Variants in KRT7 observed in about 807,000 individuals in gnomAD.
KRT7 encodes keratin, type II cytoskeletal 7.
KRT7 carries 50 observed loss-of-function variants against 42.8 expected under a neutral mutation model. That is an observed-to-expected ratio of 1.17 (90% CI 0.93 to 1.48). The LOEUF is 1.48. Among genes scored for constraint, KRT7 ranks in the 40% most tolerant of loss-of-function variants. KRT7 has a pLI of 0.00. For missense variants in KRT7, 588 were observed against 637.6 expected (o/e 0.92, Z 0.84); for synonymous variants, 268 against 266.3 (o/e 1.01, Z -0.06).
At chr12:52,250,863 T>C (rs1942255762), downstream of KRT7, among the ~76,000 whole-genome samples, 1 of 152,240 alleles carries the variant, frequency 6.6e-6, no homozygotes, top group African/African-American at 2.4e-5. Flanking sequence ...TTCTGAGAAA[T>C]ACAGCATTAA....
In KRT7 at chr12:52,241,650, AG is replaced by A. The variant is rs772594604; in HGVS notation, c.858+18del. On this transcript the variant is annotated intron_variant, in intron 5 of 8. Transcript: ENST00000331817. ...TACCAGACCAAGGTGTGAGGCCACC[AG>A]GGGCGTATTTCCTCCTGCCAGGGTC... 1.0e-5 allele frequency: 16 copies of A among 1,596,848 alleles called. No homozygotes were observed. Among genetic ancestry groups the A allele is most frequent in the African/African-American group, 1.3e-5 (1 of 74,332 alleles).
chr12:52,250,491 C>A, downstream of KRT7: 1 of 676,696 alleles, frequency 1.5e-6, no homozygotes, highest in Non-Finnish European at 2.6e-6. Context: ...GGAGCGGCCG[C>A]TGCCGCTGCT....
Position 52,235,212 on chromosome 12 carries a change from G to A in KRT7, c.382G>A (p.Glu128Lys). 1 of 1,614,182 alleles carries A rather than the reference G, an allele frequency of 6.2e-7. No homozygotes were observed. The highest frequency in any genetic ancestry group is 8.5e-7 in the Non-Finnish European group (1 of 1,180,000). Residue 128 changes from glutamate to lysine, a missense_variant, in exon 2 of 9, where the codon GAG becomes AAG. Coordinates refer to ENST00000331817, the MANE Select transcript of KRT7 (RefSeq NM_005556.4). The stretch of plus-strand genomic sequence containing the variant: ...GGAGACCAAGTGGACGCTGCTGCAG[G>A]AGCAGAAGTCGGCCAAGAGCAGCCG... ...LLETKWTLLQ[E>K]QKSAKSSRLP...
chr12:52,245,568 G>T lies in KRT7; in HGVS notation c.1141G>T (p.Val381Leu). The change falls in exon 7 of 9, where the codon GTG becomes TTG. Residue 381 changes from valine to leucine, a missense_variant. Transcript: ENST00000331817. Reference protein sequence around the residue: ...QLREYQELMSVKLALDIEIAT... With the variant: ...QLREYQELMSLKLALDIEIAT... ...GCGTGAGTACCAGGAACTCATGAGC[G>T]TGAAGCTGGCCCTGGACATCGAGAT... The T allele has an allele frequency of 6.2e-7, 1 of 1,614,112 alleles. No individual in the cohort carries two copies. The highest frequency in any genetic ancestry group is 8.5e-7 in the Non-Finnish European group (1 of 1,180,044).
At chr12:52,255,295 T>C (rs1942321397), downstream of KRT7, 2 of 456,586 alleles carry the variant, frequency 4.4e-6, no homozygotes, top group South Asian at 3.1e-5. Flanking sequence ...TCTAGGACCC[T>C]TCTGTCTCTG....
rs184200146 is a variant in KRT7 at position 52,238,846 on chromosome 12, C to T, written c.693+71C>T. ...AACCAGGGAGCCATCTGGTCCAGCCCCCCGCCTCTGTGTCAGTCCAGATAT... is the reference window on the plus strand; with the variant it reads ...AACCAGGGAGCCATCTGGTCCAGCCTCCCGCCTCTGTGTCAGTCCAGATAT... On this transcript the variant is annotated intron_variant, in intron 4 of 8. Transcript: ENST00000331817. 9.3e-5 allele frequency: 90 copies of T among 967,504 alleles called. No homozygotes were observed. The East Asian group carries it at 1.7e-3, about 19-fold the overall frequency. 59.9% of individuals were successfully genotyped at this position (967,504 alleles called of 1,614,324 possible). A position where few individuals can be genotyped will look rare whatever the true frequency, so the allele number is the denominator to read the frequency against.
At chr12:52,253,575 G>A, downstream of KRT7, 1 of 1,597,310 alleles carries the variant, frequency 6.3e-7, no homozygotes. Flanking sequence ...GCCATGTCTA[G>A]CAGGCAGGTG....
chr12:52,240,491 A>C (rs566849177), intron 4 of KRT7, among the ~76,000 whole-genome samples: 1 of 152,140 alleles, frequency 6.6e-6, no homozygotes, highest in Non-Finnish European at 1.5e-5. Context: ...TTAGCCAGGC[A>C]TGGTGGCGGG....
chr12:52,247,944 A>T, intron 7 of KRT7: 1 of 573,768 alleles, frequency 1.7e-6, no homozygotes, highest in Non-Finnish European at 3.1e-6. Context: ...TGGGAAATGG[A>T]GGCCCTGAGA....
intron 2 of KRT7, among the ~76,000 whole-genome samples, chr12:52,236,875 G>A (rs1942018927): frequency 6.6e-6 from 1 of 152,236 alleles, no homozygotes; most frequent in African/African-American, 2.4e-5. Context: ...ATGGGAGGAA[G>A]GATGGGGGCT....
At chr12:52,250,389 G>T (rs906789535), downstream of KRT7, 5 of 390,364 alleles carry the variant, frequency 1.3e-5, no homozygotes, top group Admixed American at 1.4e-4. Flanking sequence ...CCACGTCTGG[G>T]GACCGTGGGA....
At chr12:52,254,415 C>A (rs568385031), downstream of KRT7, 2 of 625,212 alleles carry the variant, frequency 3.2e-6, no homozygotes, top group African/African-American at 3.7e-5. Context: ...AATTCAGAAC[C>A]CTTGTTTTTT....
At chr12:52,235,508 C>T (rs1260832130) in intron 2 of KRT7, 142 bp downstream of exon 2, 1 of 672,760 alleles carries the variant, frequency 1.5e-6, no homozygotes, top group African/African-American at 1.8e-5. Context: ...CCAGTCTTGA[C>T]CAACACATTT....
At chr12:52,248,925 G>C, downstream of KRT7, 1 of 591,670 alleles carries the variant, frequency 1.7e-6, no homozygotes, top group Non-Finnish European at 2.6e-6. Flanking sequence ...TGATCCACGT[G>C]CCTGGTATCC....
downstream of KRT7, chr12:52,250,448 C>G (rs1942246365): frequency 4.0e-6 from 2 of 497,150 alleles, no homozygotes; most frequent in African/African-American, 4.1e-5. Flanking sequence ...GAGGCGGCGT[C>G]GGTACAAAGT....
chr12:52,254,482 A>G, downstream of KRT7: 1 of 449,100 alleles, frequency 2.2e-6, no homozygotes, highest in Non-Finnish European at 4.4e-6. Flanking sequence ...AACCCTCTGT[A>G]CGTGCTCATC....
chr12:52,247,271 G>C (rs1942188410), intron 7 of KRT7: 1 of 152,206 alleles, frequency 6.6e-6, no homozygotes, highest in African/African-American at 2.4e-5. Flanking sequence ...AATTCTTCGA[G>C]TTGCTGCCTG....
rs1294489397 is a variant in KRT7 at position 52,247,790 on chromosome 12, G to A, written c.1206-387G>A. 2.9e-5 allele frequency: 7 copies of A among 242,006 alleles called. No homozygotes were observed. The Admixed American group carries it at 3.0e-4, about 10-fold the overall frequency. The allele number at this position is 242,006 out of a possible 1,614,324, so 15.0% of individuals were successfully genotyped here. On this transcript the variant is annotated intron_variant, in intron 7 of 8. Coordinates refer to ENST00000331817, the MANE Select transcript of KRT7 (RefSeq NM_005556.4). ...AGACACCTTTAGGATTTTATGATAC[G>A]GTGAGGAAAGGCAGCCATCTACATA...
At chr12:52,247,836 T>C in intron 7 of KRT7, 1 of 196,992 alleles carries the variant, frequency 5.1e-6, no homozygotes. Flanking sequence ...ACAGCTACCA[T>C]TCACCGAATC....
Sources: allele counts gnomAD v4.1 joint callset (sites outside exome capture counted in the v4.1 genomes callset), GRCh38; gene constraint gnomAD v4.1.1; transcripts MANE v1.5; gene names NCBI Gene and HGNC (gene_info 2026-07-23, HGNC 2026-07-21).